The following CPD variants were observed in gnomAD, a reference collection of about 807,000 sequenced individuals.
CPD encodes metallocarboxypeptidase D.
In CPD, 69 loss-of-function variants were observed where a neutral mutation model predicts 138.3. The ratio of observed to expected loss-of-function variants is 0.50; its 90% CI spans 0.41 to 0.61. The LOEUF is 0.61. Among genes scored for constraint, CPD ranks in the 20% least tolerant of loss-of-function variants. The pLI is 0.00. For missense variants in CPD, 1,432 were observed against 1,733.3 expected (o/e 0.83, Z 3.09); for synonymous variants, 651 against 642.1 (o/e 1.01, Z -0.21).
intron 1 of CPD, chr17:30,380,739 A>G (rs1911019100): frequency 1.2e-6 from 1 of 845,564 alleles, no homozygotes; most frequent in East Asian, 3.0e-5. Context: ...TGGAAGAGGT[A>G]GAGCTTGAGC....
chr17:30,400,728 G>A (rs898296268), intron 2 of CPD, among the ~76,000 whole-genome samples: 1 of 126,954 alleles, frequency 7.9e-6, no homozygotes, highest in African/African-American at 3.1e-5. Flanking sequence ...CGCGATCTCA[G>A]CTCACCGCAA....
At chr17:30,405,841 CA>C (rs1042359832) in intron 2 of CPD, among the ~76,000 whole-genome samples, 1 of 151,764 alleles carries the variant, frequency 6.6e-6, no homozygotes, top group Non-Finnish European at 1.5e-5. Flanking sequence ...CCAGTTGCAA[CA>C]AAAAAATCTA....
chr17:30,452,029 A>G (rs1167853261), intron 14 of CPD, among the ~76,000 whole-genome samples, 183 bp downstream of exon 14: 2 of 152,232 alleles, frequency 1.3e-5, no homozygotes, highest in Admixed American at 1.3e-4. Flanking sequence ...ATTATTTGCA[A>G]AAATAATTTA....
Position 30,439,055 on chromosome 17 carries a change from A to G in CPD, c.2208A>G (p.Gly736=), listed in dbSNP as rs1912778864. 1 of 1,592,934 alleles carries G rather than the reference A, an allele frequency of 6.3e-7. No individual in the cohort carries two copies. Among genetic ancestry groups the G allele is most frequent in the Admixed American group, 1.8e-5 (1 of 55,000 alleles). The stretch of plus-strand genomic sequence containing the variant: ...ATTTTCCTCATGGAATAACAAATGG[A>G]GCTAGTTGGTATAATGTGCCAGGTA... ...NEYFPHGITN[G]ASWYNVPGGM... The change falls in exon 9 of 21, where the codon GGA becomes GGG. Residue 736 remains glycine (G), a synonymous_variant. Coordinates refer to ENST00000225719, the MANE Select transcript of CPD (RefSeq NM_001304.5).
At chr17:30,415,062 T>C (rs1398489980) in intron 2 of CPD, among the ~76,000 whole-genome samples, 1 of 152,200 alleles carries the variant, frequency 6.6e-6, no homozygotes, top group African/African-American at 2.4e-5. Flanking sequence ...GGCAGAACCT[T>C]AGGGATGCCA....
intron 1 of CPD, chr17:30,380,484 G>A (rs1911010452): frequency 7.6e-7 from 1 of 1,307,828 alleles, no homozygotes; most frequent in Admixed American, 3.9e-5. Context: ...TGTCATTTGT[G>A]CACCTTATTA....
intron 2 of CPD, among the ~76,000 whole-genome samples, chr17:30,412,263 G>T (rs1465820817): frequency 6.6e-6 from 1 of 152,112 alleles, no homozygotes; most frequent in Non-Finnish European, 1.5e-5. Flanking sequence ...ATCCCAGAGG[G>T]GCACCTGCCT....
At chr17:30,394,462 A>G (rs1038052671) in intron 2 of CPD, among the ~76,000 whole-genome samples, 1 of 152,210 alleles carries the variant, frequency 6.6e-6, no homozygotes, top group Non-Finnish European at 1.5e-5. Flanking sequence ...CAGTACCATC[A>G]GTATAATACT....
At position 30,422,884 on chromosome 17, in the gene CPD, C is replaced by T. The variant is rs138876763; in HGVS notation, c.1518C>T (p.Phe506=). 7.4e-6 allele frequency: 12 copies of T among 1,613,962 alleles called. No individual in the cohort carries two copies. In the African/African-American group the frequency reaches 1.6e-4, roughly 22 times the overall value. The part of the protein sequence containing the change: ...IQPKDFHHHH[F]PDMEIFLRRF... ...CAAAGGACTTTCACCACCACCATTT[C>T]CCTGATATGGAAATCTTCTTGAGAA... Residue 506 remains phenylalanine (F), a synonymous_variant, in exon 5 of 21, where the codon TTC becomes TTT. Transcript: ENST00000225719.
At chr17:30,452,472 A>C (rs1913192136) in intron 14 of CPD, among the ~76,000 whole-genome samples, 1 of 150,710 alleles carries the variant, frequency 6.6e-6, no homozygotes, top group Non-Finnish European at 1.5e-5. Flanking sequence ...GGGTTTTATC[A>C]TGTTGACCAG....
Position 30,451,697 on chromosome 17 carries a change from T to G in CPD, c.3070-14T>G. 6.2e-7 allele frequency: 1 copy of G among 1,611,360 alleles called. No individual in the cohort carries two copies. Among genetic ancestry groups the G allele is most frequent in the Non-Finnish European group, 8.5e-7 (1 of 1,178,624 alleles). ...ATGCAGCTAGTAACTCGTTAATTTC[T>G]GTTTGTGCTTCAGTTGGTTGACAGG... On this transcript the variant is annotated splice_polypyrimidine_tract_variant and intron_variant, in intron 13 of 20. Transcript: ENST00000225719.
intron 9 of CPD, among the ~76,000 whole-genome samples, chr17:30,441,937 G>A (rs1350933556): frequency 6.7e-6 from 1 of 149,940 alleles, no homozygotes; most frequent in Non-Finnish European, 1.5e-5. Flanking sequence ...AAATGAGTTA[G>A]GGAGGATTCC....
chr17:30,401,738 G>T (rs898190694), intron 2 of CPD, among the ~76,000 whole-genome samples: 1 of 151,980 alleles, frequency 6.6e-6, no homozygotes, highest in East Asian at 1.9e-4. Flanking sequence ...CGCCTGCCTC[G>T]GTCTCCCAAA....
chr17:30,407,765 T>C (rs1231178712), intron 2 of CPD, among the ~76,000 whole-genome samples: 2 of 152,206 alleles, frequency 1.3e-5, no homozygotes, highest in Admixed American at 6.5e-5. Context: ...ATTCTGTAGG[T>C]TGCCTGTTCA....
At chr17:30,382,774 A>G (rs1436027139) in intron 1 of CPD, among the ~76,000 whole-genome samples, 1 of 152,224 alleles carries the variant, frequency 6.6e-6, no homozygotes, top group Non-Finnish European at 1.5e-5. Flanking sequence ...TTAAAGTAGC[A>G]TGCTTTACTT....
intron 5 of CPD, 63 bp from the exon 6 acceptor site, chr17:30,423,443 A>G: frequency 4.7e-6 from 6 of 1,273,136 alleles, no homozygotes; most frequent in Non-Finnish European, 6.3e-6. Flanking sequence ...GTTGCGGAAA[A>G]AAACTGAGTC....
chr17:30,404,555 A>T (rs1911757603), intron 2 of CPD, among the ~76,000 whole-genome samples: 2 of 152,034 alleles, frequency 1.3e-5, no homozygotes, highest in Non-Finnish European at 1.5e-5. Flanking sequence ...ATGCTCTTTC[A>T]ATTTGAATAC....
At chr17:30,388,963 A>G (rs116688988) in intron 2 of CPD, among the ~76,000 whole-genome samples, 1,865 of 152,192 alleles carry the variant, frequency 0.012, 34 homozygotes, top group African/African-American at 0.043. Flanking sequence ...CGGGACCCTT[A>G]GTGGGGTGGG....
chr17:30,421,638 C>T (rs201724135), intron 3 of CPD, 26 bp from the exon 4 acceptor site: 1 of 1,610,240 alleles, frequency 6.2e-7, no homozygotes, highest in Non-Finnish European at 8.5e-7. Context: ...TTCACCGTCT[C>T]TGAGCTTGGA....
Sources: gnomAD v4.1 joint callset for allele counts (sites outside exome capture counted in the v4.1 genomes callset) on GRCh38, gnomAD v4.1.1 for gene constraint, MANE v1.5 for transcripts, NCBI Gene and HGNC (gene_info 2026-07-23, HGNC 2026-07-21) for gene names.